ANKFN1: variants seen among roughly 807,000 people sequenced by gnomAD.
ANKFN1 encodes ankyrin repeat and fibronectin type-III domain-containing protein 1.
A neutral mutation model predicts 108.7 loss-of-function variants in ANKFN1; 74 were observed. That is an observed-to-expected ratio of 0.68 (90% confidence interval 0.56 to 0.83). The LOEUF is 0.83. ANKFN1 is among the 40% of genes least tolerant of loss of function. The pLI, the probability that ANKFN1 is intolerant of heterozygous loss-of-function variation, is 0.00. For missense variants in ANKFN1, 1,505 were observed against 1,382.3 expected, an observed-to-expected ratio of 1.09 and a Z score of -1.41; for synonymous variants, 547 against 516.2, an observed-to-expected ratio of 1.06 and a Z score of -0.81.
chr17:56,162,476 C>G (rs1021214415), intron 1 of ANKFN1, among the ~76,000 whole-genome samples: 4 of 152,152 alleles, frequency 2.6e-5, no homozygotes, highest in African/African-American at 4.8e-5. Flanking sequence ...TTCTTCCATA[C>G]ATATCTGTCC....
chr17:56,442,967 T>G, intron 10 of ANKFN1, 34 bp downstream of exon 10: 1 of 1,602,804 alleles, frequency 6.2e-7, no homozygotes, highest in Non-Finnish European at 8.5e-7. Flanking sequence ...TCCAGCATGG[T>G]AACAGACTCC....
At chr17:56,480,220 C>G (rs1166540624) in intron 16 of ANKFN1, among the ~76,000 whole-genome samples, 1 of 152,190 alleles carries the variant, frequency 6.6e-6, no homozygotes, top group African/African-American at 2.4e-5. Context: ...ATGATTACAA[C>G]AGGCCAGGGT....
intron 4 of ANKFN1, among the ~76,000 whole-genome samples, chr17:56,338,918 G>A (rs1264978556): frequency 5.3e-5 from 8 of 152,034 alleles, no homozygotes; most frequent in Admixed American, 2.0e-4. Context: ...TGTATTGAAA[G>A]GGATACCCCA....
intron 4 of ANKFN1, among the ~76,000 whole-genome samples, chr17:56,133,942 T>C (rs1032334080): frequency 3.3e-5 from 5 of 152,058 alleles, no homozygotes; most frequent in African/African-American, 1.2e-4. Context: ...GCAGATAGCA[T>C]CAGATCCCAT....
At chr17:56,469,565 A>G (rs898201660) in intron 15 of ANKFN1, among the ~76,000 whole-genome samples, 1 of 152,106 alleles carries the variant, frequency 6.6e-6, no homozygotes, top group South Asian at 2.1e-4. Context: ...CTTTGAAATC[A>G]GGATGACTGG....
rs1567940285 is a variant in ANKFN1, at chr17:56,356,445, G to A, written c.601+2399G>A. On this transcript the variant is annotated intron_variant, in intron 6 of 20. Transcript: ENST00000682825. ...AGAAGCAAGCAAATATATAATTAGAGGTCACATCTCTGCTCCTAAATTTCG... is the reference window on the plus strand; with the variant it reads ...AGAAGCAAGCAAATATATAATTAGAAGTCACATCTCTGCTCCTAAATTTCG... Among the ~76,000 whole-genome samples the A allele has an allele frequency of 2.0e-5, 3 of 152,242 alleles. No homozygotes were observed. In the South Asian group the frequency reaches 6.2e-4, roughly 32 times the overall value.
chr17:56,183,995 C>A (rs577063984), intron 1 of ANKFN1, among the ~76,000 whole-genome samples: 1 of 152,276 alleles, frequency 6.6e-6, no homozygotes, highest in African/African-American at 2.4e-5. Flanking sequence ...AAAGTGGTTT[C>A]TTGCCATGGG....
intron 4 of ANKFN1, among the ~76,000 whole-genome samples, chr17:56,119,219 C>T (rs1293346963): frequency 6.6e-6 from 1 of 152,044 alleles, no homozygotes; most frequent in Non-Finnish European, 1.5e-5. Flanking sequence ...TGTGATAAGA[C>T]CTTCTAGGAC....
At chr17:56,086,938 GGGA>G (rs1198716188) in intron 4 of ANKFN1, among the ~76,000 whole-genome samples, 2 of 151,310 alleles carry the variant, frequency 1.3e-5, no homozygotes, top group Non-Finnish European at 3.0e-5. Flanking sequence ...TTCTGCCAGG[GGGA>G]TAGTATCATC....
intron 20 of ANKFN1, among the ~76,000 whole-genome samples, chr17:56,508,460 C>G (rs772397029): frequency 3.9e-5 from 6 of 152,158 alleles, no homozygotes; most frequent in Non-Finnish European, 7.4e-5. Context: ...TCCAGCCCCC[C>G]ACAATTTTAA....
chr17:56,153,706 A>T (rs1908821892), intron 1 of ANKFN1, 176 bp downstream of exon 1: 1 of 828,846 alleles, frequency 1.2e-6, no homozygotes, highest in Non-Finnish European at 2.0e-6. Flanking sequence ...GCAAATGTTG[A>T]TCTGAAGTAG....
intron 4 of ANKFN1, among the ~76,000 whole-genome samples, chr17:56,049,244 C>T (rs4794615): frequency 0.74 from 111,886 of 152,090 alleles, 41,463 homozygotes; most frequent in Non-Finnish European, 0.79. Context: ...TTTATTCATT[C>T]GCTAATGATT....
At chr17:56,207,338 A>C (rs764930714) in intron 1 of ANKFN1, among the ~76,000 whole-genome samples, 1 of 152,190 alleles carries the variant, frequency 6.6e-6, no homozygotes, top group Non-Finnish European at 1.5e-5. Flanking sequence ...CCTAATGCAC[A>C]CTGTGTTTGA....
intron 3 of ANKFN1, among the ~76,000 whole-genome samples, chr17:56,269,406 T>G (rs948515367): frequency 1.3e-5 from 2 of 152,224 alleles, no homozygotes; most frequent in African/African-American, 4.8e-5. Flanking sequence ...TGGAAGCAGG[T>G]AATGGAGGAG....
chr17:56,123,843 G>GAC (rs1398929489), intron 4 of ANKFN1, among the ~76,000 whole-genome samples: 1 of 148,646 alleles, frequency 6.7e-6, no homozygotes, highest in Non-Finnish European at 1.5e-5. Context: ...GAGACACAGA[G>GAC]AGAGAGAGAG....
chr17:56,417,276 C>T (rs151300201), intron 8 of ANKFN1, among the ~76,000 whole-genome samples: 32 of 152,214 alleles, frequency 2.1e-4, no homozygotes, highest in African/African-American at 7.0e-4. Context: ...CCCTATTTTC[C>T]GTGATATGAT....
chr17:56,384,676 T>C (rs2047209109), intron 8 of ANKFN1, among the ~76,000 whole-genome samples: 2 of 152,054 alleles, frequency 1.3e-5, no homozygotes, highest in African/African-American at 4.8e-5. Flanking sequence ...TACACCAATA[T>C]AGATAAACAG....
intron 8 of ANKFN1, among the ~76,000 whole-genome samples, chr17:56,433,120 A>C (rs1433220975): frequency 6.6e-6 from 1 of 152,192 alleles, no homozygotes; most frequent in Non-Finnish European, 1.5e-5. Flanking sequence ...ACAAATAATA[A>C]TAAAACACAC....
At chr17:56,391,927 A>G (rs1168899706) in intron 8 of ANKFN1, among the ~76,000 whole-genome samples, 1 of 152,196 alleles carries the variant, frequency 6.6e-6, no homozygotes, top group African/African-American at 2.4e-5. Flanking sequence ...GTATTTACTC[A>G]TTAACAATTT....
Sources: allele counts gnomAD v4.1 joint callset (sites outside exome capture counted in the v4.1 genomes callset), GRCh38; gene constraint gnomAD v4.1.1; transcripts MANE v1.5; gene names NCBI Gene and HGNC (gene_info 2026-07-23, HGNC 2026-07-21).